The following OTUD7A variants were observed in gnomAD, a reference collection of about 807,000 sequenced individuals.
The protein encoded by OTUD7A is OTU domain-containing protein 7A.
In OTUD7A, 12 loss-of-function variants were observed where a neutral mutation model predicts 65.7. That is an observed-to-expected ratio of 0.18 (90% CI 0.12 to 0.30). The LOEUF is 0.30. Ranked by LOEUF, OTUD7A falls within the 10% of genes least tolerant of loss-of-function variation. The pLI, the probability that OTUD7A is intolerant of heterozygous loss-of-function variation, is 1.00. For missense variants in OTUD7A, 1,148 were observed against 1,304.8 expected (o/e 0.88, Z 1.85); for synonymous variants, 641 against 586.3 (o/e 1.09, Z -1.35).
At position 31,709,241 on chromosome 15, in the gene OTUD7A, A is replaced by C. The variant is rs1280814662; in HGVS notation, c.-99-52164T>G. 3.9e-5 allele frequency among the ~76,000 whole-genome samples: 6 copies of C among 152,218 alleles called. No individual in the cohort carries two copies. In the East Asian group the frequency reaches 5.8e-4, roughly 15 times the overall value. ...AATCCCCAAGACTCAGGGCTGGAAA[A>C]GCAGGACTGGCAGACTCAGAAGCAG... On this transcript the variant is annotated intron_variant, in intron 1 of 12. Coordinates refer to ENST00000307050, the MANE Select transcript of OTUD7A (RefSeq NM_001382637.1).
chr15:31,688,261 G>A lies in OTUD7A; in HGVS notation c.-99-31184C>T, dbSNP rs929285260. Among the ~76,000 whole-genome samples the A allele has an allele frequency of 1.3e-5, 2 of 150,696 alleles. 1 individual carries two copies. Among genetic ancestry groups the A allele is most frequent in the South Asian group, 4.2e-4 (2 of 4,764 alleles). The stretch of plus-strand genomic sequence containing the variant: ...TTATAAAGAGAACTCTTGTAGAAAT[G>A]ACCTTAGCCCAGTGAACAAACTTAT... On this transcript the variant is annotated intron_variant, in intron 1 of 12. Transcript: ENST00000307050.
intron 1 of OTUD7A, among the ~76,000 whole-genome samples, chr15:31,855,904 T>C (rs898928715): frequency 6.6e-6 from 1 of 152,196 alleles, no homozygotes; most frequent in Non-Finnish European, 1.5e-5. Flanking sequence ...CAAATCCATC[T>C]CTTGTTCCTG....
At chr15:31,609,311 G>A (rs1019965313) in intron 3 of OTUD7A, among the ~76,000 whole-genome samples, 2 of 152,186 alleles carry the variant, frequency 1.3e-5, no homozygotes, top group Admixed American at 6.5e-5. Flanking sequence ...CTGGGAGGTG[G>A]ATAGCCTGGG....
At chr15:31,745,067 G>A (rs1894440466) in intron 1 of OTUD7A, among the ~76,000 whole-genome samples, 2 of 151,982 alleles carry the variant, frequency 1.3e-5, no homozygotes, top group Admixed American at 1.3e-4. Context: ...TTACAAAATA[G>A]AAAAATATAT....
intron 1 of OTUD7A, among the ~76,000 whole-genome samples, chr15:31,716,093 G>C (rs1893574117): frequency 9.6e-6 from 1 of 104,202 alleles, no homozygotes; most frequent in African/African-American, 3.0e-5. Context: ...TTTTTTGGCA[G>C]AAACCCAAAG....
Position 31,517,826 on chromosome 15 carries a change from A to G in OTUD7A, c.893+8523T>C, listed in dbSNP as rs140592863. Among the ~76,000 whole-genome samples the G allele has an allele frequency of 3.2e-3, 482 of 152,264 alleles. 2 individuals are homozygous for G. The highest frequency in any genetic ancestry group is 0.011 in the African/African-American group (452 of 41,554). On this transcript the variant is annotated intron_variant, in intron 8 of 12. Transcript: ENST00000307050. The stretch of plus-strand genomic sequence containing the variant: ...GATGGTATCTCAGGCCCCAGGGAAC[A>G]GTTTGGGGGCACCCTGGCTTAAGCT...
At chr15:31,604,204 C>T (rs1890167926) in intron 3 of OTUD7A, among the ~76,000 whole-genome samples, 1 of 152,096 alleles carries the variant, frequency 6.6e-6, no homozygotes, top group African/African-American at 2.4e-5. Flanking sequence ...CAAATGTCCA[C>T]CAATGATAGA....
intron 1 of OTUD7A, among the ~76,000 whole-genome samples, chr15:31,856,998 C>T (rs1309308176): frequency 1.3e-5 from 2 of 152,222 alleles, no homozygotes; most frequent in African/African-American, 4.8e-5. Flanking sequence ...CCAACCATCC[C>T]TCTGTTGTCC....
chr15:31,528,849 C>T (rs1459019520), intron 6 of OTUD7A, among the ~76,000 whole-genome samples: 2 of 152,222 alleles, frequency 1.3e-5, no homozygotes, highest in Non-Finnish European at 2.9e-5. Flanking sequence ...CCCAGTCCTG[C>T]GGAGTTTAGC....
chr15:31,686,809 T>C (rs956717872), intron 1 of OTUD7A, among the ~76,000 whole-genome samples: 1 of 152,236 alleles, frequency 6.6e-6, no homozygotes, highest in Non-Finnish European at 1.5e-5. Context: ...GCATGTCATT[T>C]GGATGCAGGA....
intron 9 of OTUD7A, among the ~76,000 whole-genome samples, chr15:31,502,555 A>G (rs565806133): frequency 6.6e-6 from 1 of 152,202 alleles, no homozygotes; most frequent in African/African-American, 2.4e-5. Flanking sequence ...ATGAACTCTT[A>G]TGAGTTCCTC....
intron 3 of OTUD7A, among the ~76,000 whole-genome samples, chr15:31,589,095 T>C (rs1361182370): frequency 6.6e-6 from 1 of 152,196 alleles, no homozygotes; most frequent in Non-Finnish European, 1.5e-5. Flanking sequence ...AAACAGCTAG[T>C]TGCTTCTACC....
rs543476052 is a variant in OTUD7A at position 31,778,156 on chromosome 15, G to A, written c.-100+92351C>T. Among the ~76,000 whole-genome samples, 42 of 152,252 alleles carry A rather than the reference G, an allele frequency of 2.8e-4. 1 individual carries two copies. Among genetic ancestry groups the A allele is most frequent in the African/African-American group, 9.9e-4 (41 of 41,532 alleles). On this transcript the variant is annotated intron_variant, in intron 1 of 12. Transcript: ENST00000307050. ...TCTAAGGACAAGAGCCCAAGAATAC[G>A]CATAGAGAGAGGGGTACAAGTACCA...
intron 6 of OTUD7A, 134 bp from the exon 7 acceptor site, chr15:31,527,442 T>C (rs2042030588): frequency 8.5e-7 from 1 of 1,179,320 alleles, no homozygotes; most frequent in South Asian, 1.7e-5. Context: ...TACTCAGCGG[T>C]TCTGTTAATT....
intron 1 of OTUD7A, among the ~76,000 whole-genome samples, chr15:31,814,527 CTTTTT>C (rs397853761): frequency 1.6e-4 from 23 of 144,720 alleles, no homozygotes; most frequent in Admixed American, 3.4e-4. Context: ...TGCGTAAGTT[CTTTTT>C]TTTTTTTTTG....
At chr15:31,829,148 C>T (rs534583147) in intron 1 of OTUD7A, among the ~76,000 whole-genome samples, 2 of 152,202 alleles carry the variant, frequency 1.3e-5, no homozygotes, top group Non-Finnish European at 2.9e-5. Flanking sequence ...GGGGCAGTAG[C>T]GGAAGCGCCC....
chr15:31,860,267 C>T (rs2141014740), intron 1 of OTUD7A, among the ~76,000 whole-genome samples: 1 of 152,162 alleles, frequency 6.6e-6, no homozygotes, highest in South Asian at 2.1e-4. Flanking sequence ...ATTTGCAACC[C>T]AAGTAAACAC....
At chr15:31,587,639 CAA>C (rs11445101) in intron 3 of OTUD7A, among the ~76,000 whole-genome samples, 261 of 129,782 alleles carry the variant, frequency 2.0e-3, no homozygotes, top group Middle Eastern at 0.016. Flanking sequence ...GACTCCATTT[CAA>C]AAAAAAAAAA....
chr15:31,681,993 T>A (rs1263727449), intron 1 of OTUD7A, among the ~76,000 whole-genome samples: 1 of 152,074 alleles, frequency 6.6e-6, no homozygotes, highest in Non-Finnish European at 1.5e-5. Context: ...AGGGCACCCA[T>A]GCTAGACTGG....
Sources: allele counts gnomAD v4.1 joint callset (sites outside exome capture counted in the v4.1 genomes callset), GRCh38; gene constraint gnomAD v4.1.1; transcripts MANE v1.5; gene names NCBI Gene and HGNC (gene_info 2026-07-23, HGNC 2026-07-21).